The following QTMAN variants were observed in gnomAD, a reference collection of about 807,000 sequenced individuals.
The protein encoded by QTMAN is queuosine-tRNA mannosyltransferase.
chr2:144,003,703 T>A, the QTMAN span, among the ~76,000 whole-genome samples: 1 of 152,210 alleles, frequency 6.6e-6, no homozygotes, highest in East Asian at 1.9e-4. Context: ...AAGGGCCTGT[T>A]CTCATGCACA....
the QTMAN span, among the ~76,000 whole-genome samples, chr2:144,275,312 AG>A: frequency 6.7e-6 from 1 of 148,528 alleles, no homozygotes; most frequent in Non-Finnish European, 1.5e-5. Flanking sequence ...TGAACCCGGG[AG>A]GTGGAGGTTG....
At chr2:144,147,955 G>A in the QTMAN span, among the ~76,000 whole-genome samples, 1 of 151,642 alleles carries the variant, frequency 6.6e-6, no homozygotes, top group African/African-American at 2.4e-5. Context: ...CTCCAAAAAT[G>A]TCATGTCATA....
the QTMAN span, among the ~76,000 whole-genome samples, chr2:144,182,820 A>ATATATATAATATATATATAT: frequency 6.2e-5 from 2 of 32,130 alleles, no homozygotes; most frequent in African/African-American, 7.8e-5. Context: ...TATATATATT[A>ATATATATAATATATATATAT]TATATATAAT....
the QTMAN span, among the ~76,000 whole-genome samples, chr2:144,183,133 A>G: frequency 4.0e-5 from 6 of 150,330 alleles, no homozygotes; most frequent in African/African-American, 1.5e-4. Flanking sequence ...TTCAGCCTAC[A>G]CTCTTTTTGG....
the QTMAN span, among the ~76,000 whole-genome samples, chr2:144,286,612 T>C: frequency 3.9e-5 from 6 of 152,346 alleles, no homozygotes; most frequent in Non-Finnish European, 4.4e-5. Flanking sequence ...AACTCCCTTC[T>C]AAAAGACAAA....
chr2:144,181,686 C>T, the QTMAN span, among the ~76,000 whole-genome samples: 2 of 151,960 alleles, frequency 1.3e-5, no homozygotes, highest in Non-Finnish European at 2.9e-5. Context: ...TGGTGCATGC[C>T]TGTAGTGTCA....
chr2:144,055,299 C>T, the QTMAN span, among the ~76,000 whole-genome samples: 1 of 151,070 alleles, frequency 6.6e-6, no homozygotes, highest in Non-Finnish European at 1.5e-5. Context: ...GTATTCACCT[C>T]CCTGAAATGG....
the QTMAN span, among the ~76,000 whole-genome samples, chr2:143,971,089 T>G: frequency 2.0e-5 from 3 of 152,028 alleles, no homozygotes; most frequent in African/African-American, 7.2e-5. Flanking sequence ...TGGTTAATTT[T>G]CTACTTAACA....
At chr2:143,978,995 G>C in the QTMAN span, among the ~76,000 whole-genome samples, 1 of 152,124 alleles carries the variant, frequency 6.6e-6, no homozygotes, top group African/African-American at 2.4e-5. Context: ...TTTGATGTTT[G>C]CAAGAATTGT....
chr2:144,065,311 G>A, the QTMAN span, among the ~76,000 whole-genome samples: 1 of 152,164 alleles, frequency 6.6e-6, no homozygotes, highest in Non-Finnish European at 1.5e-5. Flanking sequence ...GTACACTGGA[G>A]TATCTTCTGT....
At chr2:144,283,197 T>G in the QTMAN span, among the ~76,000 whole-genome samples, 1 of 152,194 alleles carries the variant, frequency 6.6e-6, no homozygotes. Flanking sequence ...AAATTGAGGA[T>G]AGCCTACTAC....
At chr2:144,265,560 G>A in the QTMAN span, among the ~76,000 whole-genome samples, 1 of 152,000 alleles carries the variant, frequency 6.6e-6, no homozygotes, top group African/African-American at 2.4e-5. Flanking sequence ...AGCCGGGGGT[G>A]GTGGCACGCA....
At chr2:143,985,191 G>C in the QTMAN span, among the ~76,000 whole-genome samples, 2 of 152,336 alleles carry the variant, frequency 1.3e-5, no homozygotes, top group East Asian at 3.9e-4. Flanking sequence ...GAAGCAACCG[G>C]CTGGTTCCAG....
At chr2:144,222,158 T>C in the QTMAN span, among the ~76,000 whole-genome samples, 1,647 of 151,940 alleles carry the variant, frequency 0.011, 21 homozygotes, top group African/African-American at 0.037. Context: ...CTCCCGGGTT[T>C]ACACCATTCT....
the QTMAN span, among the ~76,000 whole-genome samples, chr2:144,089,952 G>A: frequency 6.6e-6 from 1 of 151,892 alleles, no homozygotes; most frequent in Non-Finnish European, 1.5e-5. Context: ...GTATATACAT[G>A]TAACAAAATT....
the QTMAN span, among the ~76,000 whole-genome samples, chr2:144,242,977 A>C: frequency 1.3e-5 from 2 of 151,056 alleles, no homozygotes; most frequent in African/African-American, 4.9e-5. Flanking sequence ...AAAAAAAAAA[A>C]AAAAAAAAGA....
At chr2:143,992,092 G>C in the QTMAN span, among the ~76,000 whole-genome samples, 1 of 152,190 alleles carries the variant, frequency 6.6e-6, no homozygotes, top group Non-Finnish European at 1.5e-5. Flanking sequence ...GGAATAGAAA[G>C]CGGGGAAAGG....
At chr2:144,321,263 C>T in the QTMAN span, among the ~76,000 whole-genome samples, 2 of 152,202 alleles carry the variant, frequency 1.3e-5, no homozygotes, top group Non-Finnish European at 2.9e-5. Flanking sequence ...CTTCAAAACG[C>T]CTCTCTTGCT....
chr2:144,200,725 T>C, the QTMAN span, among the ~76,000 whole-genome samples: 1 of 152,156 alleles, frequency 6.6e-6, no homozygotes, highest in East Asian at 1.9e-4. Flanking sequence ...AAAATTTACA[T>C]AACAGAAAAT....
Sources: gnomAD v4.1 joint callset for allele counts (sites outside exome capture counted in the v4.1 genomes callset) on GRCh38, gnomAD v4.1.1 for gene constraint, MANE v1.5 for transcripts, NCBI Gene and HGNC (gene_info 2026-07-23, HGNC 2026-07-21) for gene names.